The following DNAH12 variants were observed in gnomAD, a reference collection of about 807,000 sequenced individuals.
DNAH12 encodes dynein axonemal heavy chain 12.
In DNAH12, 285 loss-of-function variants were observed where a neutral mutation model predicts 371.5. That is an observed-to-expected ratio of 0.77 (90% CI 0.70 to 0.85). The LOEUF (loss-of-function observed/expected upper bound fraction) is 0.85. Among genes scored for constraint, DNAH12 ranks in the 40% least tolerant of loss-of-function variants. The pLI is 0.00. For missense variants in DNAH12, 3,611 were observed against 3,689.4 expected (o/e 0.98, Z 0.55); for synonymous variants, 1,200 against 1,213.0 (o/e 0.99, Z 0.22).
chr3:57,476,244 A>T (rs2066518858), intron 13 of DNAH12, among the ~76,000 whole-genome samples: 1 of 151,454 alleles, frequency 6.6e-6, no homozygotes, highest in South Asian at 2.1e-4. Context: ...GTATAACTAT[A>T]AAAAAAAACA....
Position 57,334,795 on chromosome 3 carries a change from A to G in DNAH12, c.9820T>C (p.Phe3274Leu). 3.9e-6 allele frequency: 6 copies of G among 1,551,242 alleles called. No homozygotes were observed. The highest frequency in any genetic ancestry group is 5.2e-6 in the Non-Finnish European group (6 of 1,146,864). ...TTAAACAATCACCTGAGTCCTCTGA[A>G]GGCAGGAAATTCACTTGCCCGACAG... ...EICRASEFPAFRGLRQHFCEH... is the reference protein window; with the variant it reads ...EICRASEFPALRGLRQHFCEH... The change falls in exon 61 of 74, where the codon TTC (phenylalanine) becomes CTC (leucine). Residue 3274 changes from phenylalanine (F) to leucine (L), a missense_variant. By Grantham distance (22) the Phe-to-Leu change is conservative. This residue lies in a region of DNAH12 where 2,266 missense variants were observed against 2,236.9 expected (regional missense o/e 1.01). Transcript: ENST00000495027.
chr3:57,295,446 C>T lies in DNAH12; in HGVS notation c.11692+79G>A, dbSNP rs1646158257. The stretch of plus-strand genomic sequence containing the variant: ...AGATCCTAAAAGGTTTGAGCAAAAA[C>T]TTATTTTGGGGAGCAGTGTATAATA... On this transcript the variant is annotated intron_variant, in intron 73 of 73. Transcript: ENST00000495027. The T allele has an allele frequency of 1.4e-5, 17 of 1,244,172 alleles. No individual in the cohort carries two copies. In the South Asian group the frequency reaches 2.6e-4, roughly 19 times the overall value. The allele number at this position is 1,244,172 out of a possible 1,614,324, so 77.1% of individuals were successfully genotyped here. A position where few individuals can be genotyped will look rare whatever the true frequency, so the allele number is the denominator to read the frequency against.
intron 29 of DNAH12, among the ~76,000 whole-genome samples, chr3:57,441,518 A>G (rs910085728): frequency 5.9e-5 from 9 of 152,130 alleles, no homozygotes; most frequent in African/African-American, 2.2e-4. Flanking sequence ...ATTACTGAAT[A>G]TTTTCTGGCT....
In DNAH12 at chr3:57,468,451, C is replaced by T. The variant is rs527968901; in HGVS notation, c.2349+285G>A. Among the ~76,000 whole-genome samples, 10 of 152,090 alleles carry T rather than the reference C, an allele frequency of 6.6e-5. No homozygotes were observed. In the East Asian group the frequency reaches 1.9e-3, roughly 30 times the overall value. Reference sequence around the variant, plus strand: ...CAGCCTGGGCAACACAGCAAAACCCCATCTCTTCAAAAAATTAGCCAGGCA... The same window carrying T: ...CAGCCTGGGCAACACAGCAAAACCCTATCTCTTCAAAAAATTAGCCAGGCA... On this transcript the variant is annotated intron_variant, in intron 17 of 73. Transcript: ENST00000495027.
chr3:57,514,482 C>T (rs567069809), intron 4 of DNAH12, among the ~76,000 whole-genome samples: 231 of 151,152 alleles, frequency 1.5e-3, no homozygotes, highest in African/African-American at 5.5e-3. Context: ...AGAAAACATA[C>T]CTGTTCATTT....
intron 63 of DNAH12, 33 bp downstream of exon 63, chr3:57,323,436 G>C (rs893988793): frequency 4.3e-5 from 65 of 1,500,412 alleles, no homozygotes; most frequent in Non-Finnish European, 5.4e-5. Context: ...TTTTATTTAT[G>C]ATTTCTTAAA....
intron 72 of DNAH12, among the ~76,000 whole-genome samples, chr3:57,295,847 C>G (rs992725899): frequency 3.3e-5 from 5 of 152,178 alleles, no homozygotes; most frequent in African/African-American, 1.2e-4. Flanking sequence ...GTGGCCAGGG[C>G]TCCAAGGGAA....
In DNAH12 at chr3:57,510,838, T is replaced by G; in HGVS notation, c.421A>C (p.Ile141Leu). Residue 141 changes from isoleucine (I) to leucine (L), a missense_variant, in exon 5 of 74, where the codon ATA becomes CTA. Physicochemically the swap from Ile to Leu is conservative, Grantham distance 5. This residue lies in a region of DNAH12 where 1,314 missense variants were observed against 1,398.7 expected (regional missense o/e 0.94). Transcript: ENST00000495027. ...KEREELLESL[I>L]NEVSSDFENS... ...TCAAAGTCACTTGACACCTCATTTATGAGACTTTCAAGAAGTTCTTCTCTT... is the reference window on the plus strand; with the variant it reads ...TCAAAGTCACTTGACACCTCATTTAGGAGACTTTCAAGAAGTTCTTCTCTT... The G allele has an allele frequency of 6.2e-7, 1 of 1,614,088 alleles. No homozygotes were observed. Among genetic ancestry groups the G allele is most frequent in the Non-Finnish European group, 8.5e-7 (1 of 1,180,014 alleles).
At chr3:57,343,233 G>A (rs181224053) in intron 60 of DNAH12, among the ~76,000 whole-genome samples, 4 of 152,278 alleles carry the variant, frequency 2.6e-5, no homozygotes, top group East Asian at 1.9e-4. Context: ...TAGATAGAAA[G>A]GGAAGACATA....
intron 17 of DNAH12, among the ~76,000 whole-genome samples, chr3:57,466,182 A>C (rs922012602): frequency 6.6e-6 from 1 of 152,140 alleles, no homozygotes; most frequent in Non-Finnish European, 1.5e-5. Flanking sequence ...AATTAAGCAA[A>C]ACAAAGAAAG....
chr3:57,413,171 G>C (rs781527999), intron 39 of DNAH12, among the ~76,000 whole-genome samples: 95 of 152,116 alleles, frequency 6.2e-4, no homozygotes, highest in Non-Finnish European at 1.1e-3. Context: ...ATTACTAAAT[G>C]AAAGAAGCTA....
chr3:57,319,609 T>C (rs1272367343), intron 65 of DNAH12, among the ~76,000 whole-genome samples: 1 of 152,208 alleles, frequency 6.6e-6, no homozygotes, highest in Non-Finnish European at 1.5e-5. Context: ...AGATGGAGTC[T>C]TGCTCTGTTG....
rs1470096047 is a variant in DNAH12, at chr3:57,523,867, C to T, written c.188G>A (p.Arg63Lys). ...INQLVIDGAK[R>K]NLDRTLGKRT... ...TTTACCCAGTGTTCTGTCTAAATTTCTTTTGGCTCCATCAATTCTGAAATT... is the reference window on the plus strand; with the variant it reads ...TTTACCCAGTGTTCTGTCTAAATTTTTTTTGGCTCCATCAATTCTGAAATT... The change falls in exon 3 of 74, where the codon AGA becomes AAA. Residue 63 changes from arginine to lysine, a missense_variant. This residue lies in a region of DNAH12 where 1,314 missense variants were observed against 1,398.7 expected (regional missense o/e 0.94). Transcript: ENST00000495027. 12 of 1,600,700 alleles carry T rather than the reference C, an allele frequency of 7.5e-6. No homozygotes were observed. The highest frequency in any genetic ancestry group is 9.4e-6 in the Non-Finnish European group (11 of 1,174,266).
intron 59 of DNAH12, among the ~76,000 whole-genome samples, chr3:57,354,716 A>G (rs1671397731): frequency 6.6e-6 from 1 of 152,160 alleles, no homozygotes; most frequent in African/African-American, 2.4e-5. Context: ...AGTAATTCAG[A>G]AGTCCTTCAA....
intron 39 of DNAH12, 138 bp downstream of exon 39, chr3:57,413,608 G>C: frequency 1.1e-6 from 1 of 921,536 alleles, no homozygotes; most frequent in Non-Finnish European, 1.6e-6. Flanking sequence ...AAATATATTA[G>C]AGAGGCTTCA....
chr3:57,354,469 C>T (rs2062750983), intron 59 of DNAH12, among the ~76,000 whole-genome samples: 1 of 150,446 alleles, frequency 6.6e-6, no homozygotes, highest in African/African-American at 2.4e-5. Context: ...GTATAACAAA[C>T]CTGCACATGT....
chr3:57,364,512 A>G (rs929911649), intron 57 of DNAH12, among the ~76,000 whole-genome samples: 67 of 152,294 alleles, frequency 4.4e-4, no homozygotes, highest in South Asian at 2.1e-3. Context: ...AAAAAAATAC[A>G]TATTTGGGGT....
chr3:57,300,876 G>C (rs923690996), intron 70 of DNAH12, among the ~76,000 whole-genome samples: 1 of 152,114 alleles, frequency 6.6e-6, no homozygotes, highest in Non-Finnish European at 1.5e-5. Context: ...GCAGGCAGTG[G>C]AGTTGAGAAG....
In DNAH12 at chr3:57,507,818, C is replaced by A; in HGVS notation, c.722G>T (p.Cys241Phe). The part of the protein sequence containing the change: ...TGIRAKGPID[C>F]ESLKTDLSIQ... Reference sequence around the variant, plus strand: ...TGATAGATCAGTTTTCAGTGATTCACAGTCAATTGGACCTTTAGCTCTATT... The same window carrying A: ...TGATAGATCAGTTTTCAGTGATTCAAAGTCAATTGGACCTTTAGCTCTATT... The change falls in exon 8 of 74, where the codon TGT (cysteine) becomes TTT (phenylalanine). Residue 241 changes from cysteine to phenylalanine, a missense_variant. Physicochemically the swap from Cys to Phe is radical, Grantham distance 205. Around this residue, in one of 3 missense-constraint regions of DNAH12, gnomAD observed 1,314 missense variants for 1,398.7 expected, o/e 0.94. Coordinates refer to ENST00000495027, the MANE Select transcript of DNAH12 (RefSeq NM_001366028.2). 6.3e-7 allele frequency: 1 copy of A among 1,585,264 alleles called. No individual in the cohort carries two copies. The highest frequency in any genetic ancestry group is 8.5e-7 in the Non-Finnish European group (1 of 1,173,720).
Sources: gnomAD v4.1 joint callset for allele counts (sites outside exome capture counted in the v4.1 genomes callset) on GRCh38, gnomAD v4.1.1 for gene constraint, gnomAD v4.1.1 regional missense constraint, MANE v1.5 for transcripts, NCBI Gene and HGNC (gene_info 2026-07-23, HGNC 2026-07-21) for gene names.